COL26A1: variants seen among roughly 807,000 people sequenced by gnomAD.
COL26A1 encodes the protein collagen alpha-1(XXVI) chain.
Under a neutral mutation model 59.3 loss-of-function variants are expected in COL26A1, and 41 were observed. The ratio of observed to expected loss-of-function variants is 0.69; its 90% CI spans 0.54 to 0.90. The LOEUF (loss-of-function observed/expected upper bound fraction) is 0.90, where lower values mean the gene tolerates loss of function less well. Among genes scored for constraint, COL26A1 ranks in the 40% least tolerant of loss-of-function variants. COL26A1 has a pLI of 0.00. For synonymous variants in COL26A1, 266 were observed against 256.0 expected (o/e 1.04, Z -0.37); for missense variants, 612 against 602.3 (o/e 1.02, Z -0.17).
chr7:101,437,811 A>G (rs1053202322), intron 2 of COL26A1, among the ~76,000 whole-genome samples: 6 of 151,486 alleles, frequency 4.0e-5, no homozygotes, highest in Admixed American at 3.9e-4. Context: ...CCTGGACTCA[A>G]GCAATCTTCC....
intron 3 of COL26A1, among the ~76,000 whole-genome samples, chr7:101,483,990 A>AGTGTGTGTGTGTGTGTGTGTGTGTGT (rs55863250): frequency 5.5e-5 from 7 of 127,924 alleles, no homozygotes; most frequent in East Asian, 2.3e-4. Flanking sequence ...AACTTTTTAA[A>AGTGTGTGTGTGTGTGTGTGTGTGTGT]GTGTGTGTGT....
At chr7:101,447,645 G>A (rs1793230493) in intron 2 of COL26A1, 39 bp from the exon 3 acceptor site, 1 of 1,354,918 alleles carries the variant, frequency 7.4e-7, no homozygotes, top group Non-Finnish European at 1.0e-6. Flanking sequence ...AGGTGGGTGG[G>A]TGGGAGCTCA....
Position 101,401,666 on chromosome 7 carries a change from G to T in COL26A1, c.159-18311G>T, listed in dbSNP as rs376303981. 3.6e-3 allele frequency among the ~76,000 whole-genome samples: 526 copies of T among 145,964 alleles called. 4 individuals are homozygous for T. The highest frequency in any genetic ancestry group is 0.013 in the African/African-American group (506 of 39,822). On this transcript the variant is annotated intron_variant, in intron 1 of 12. Transcript: ENST00000313669. ...AGAGGAGGAGGTGGAGGAGGAAGAG[G>T]AGGAAGAAGATGTTGGAGGCTGAGG... is the stretch of plus-strand genomic sequence containing the variant.
At chr7:101,421,541 G>C (rs1024028195) in intron 2 of COL26A1, among the ~76,000 whole-genome samples, 22 of 152,154 alleles carry the variant, frequency 1.4e-4, no homozygotes, top group East Asian at 3.9e-4. Flanking sequence ...CAGGCGTGGT[G>C]GTGGGCGCCT....
At chr7:101,485,787 A>C (rs1282058558) in intron 3 of COL26A1, among the ~76,000 whole-genome samples, 1 of 152,066 alleles carries the variant, frequency 6.6e-6, no homozygotes, top group Non-Finnish European at 1.5e-5. Context: ...CAGAGGGCTG[A>C]GATGAGCCGA....
At chr7:101,529,064 G>A (rs1562790785) in intron 3 of COL26A1, among the ~76,000 whole-genome samples, 1 of 151,954 alleles carries the variant, frequency 6.6e-6, no homozygotes, top group African/African-American at 2.4e-5. Flanking sequence ...TACTTGGGAG[G>A]CTGAGGCAGG....
intron 3 of COL26A1, among the ~76,000 whole-genome samples, chr7:101,449,250 A>G (rs1562985420): frequency 6.6e-6 from 1 of 152,186 alleles, no homozygotes; most frequent in Non-Finnish European, 1.5e-5. Flanking sequence ...TTGAACGACC[A>G]CAGCTCACAG....
intron 3 of COL26A1, among the ~76,000 whole-genome samples, chr7:101,473,608 CCACACACA>C (rs150820078): frequency 0.014 from 2,040 of 143,454 alleles, 30 homozygotes; most frequent in African/African-American, 0.044. Flanking sequence ...CACCTTGTCT[CCACACACA>C]CACACACACA....
At chr7:101,398,481 T>G (rs1009035536) in intron 1 of COL26A1, among the ~76,000 whole-genome samples, 1 of 152,160 alleles carries the variant, frequency 6.6e-6, no homozygotes, top group African/African-American at 2.4e-5. Context: ...CATGTCCGCT[T>G]ATGGACGGAA....
At chr7:101,472,170 A>G (rs996599416) in intron 3 of COL26A1, among the ~76,000 whole-genome samples, 1 of 151,894 alleles carries the variant, frequency 6.6e-6, no homozygotes, top group Admixed American at 6.6e-5. Context: ...ACGCCTGGCC[A>G]GTTTCCAAAT....
intron 3 of COL26A1, among the ~76,000 whole-genome samples, chr7:101,492,350 A>G (rs979427508): frequency 5.3e-5 from 8 of 152,140 alleles, no homozygotes; most frequent in African/African-American, 1.9e-4. Flanking sequence ...ATGGCCATCA[A>G]CTACTGTCAA....
At chr7:101,491,009 G>T (rs1438297519) in intron 3 of COL26A1, among the ~76,000 whole-genome samples, 2 of 142,914 alleles carry the variant, frequency 1.4e-5, no homozygotes, top group Admixed American at 1.4e-4. Context: ...AATTAGCTGG[G>T]CATAGTGGCA....
intron 3 of COL26A1, among the ~76,000 whole-genome samples, chr7:101,513,837 C>T (rs546091022): frequency 5.8e-4 from 89 of 152,234 alleles, no homozygotes; most frequent in Admixed American, 2.4e-3. Context: ...AGGAGATATT[C>T]GCAAAGCATG....
At chr7:101,400,516 C>G (rs1172876675) in intron 1 of COL26A1, among the ~76,000 whole-genome samples, 1 of 151,680 alleles carries the variant, frequency 6.6e-6, no homozygotes, top group Non-Finnish European at 1.5e-5. Context: ...TGCCCGCCAC[C>G]ACTCCTGGCT....
chr7:101,392,495 G>A (rs1791758036), intron 1 of COL26A1, among the ~76,000 whole-genome samples: 1 of 149,812 alleles, frequency 6.7e-6, no homozygotes, highest in Non-Finnish European at 1.5e-5. Flanking sequence ...TCCGCCTCCC[G>A]GGTTCAAGCA....
chr7:101,419,876 C>T (rs916405894), intron 1 of COL26A1, 101 bp from the exon 2 acceptor site: 1 of 1,311,654 alleles, frequency 7.6e-7, no homozygotes, highest in Non-Finnish European at 1.1e-6. Flanking sequence ...GCCTCCACCC[C>T]AGGTTTGCGG....
At position 101,539,918 on chromosome 7, in the gene COL26A1, G is replaced by C. The variant is rs761145243; in HGVS notation, c.473G>C (p.Arg158Pro). ...GTCCTCCTGCTAGAAGCAGCAGAAC[G>C]GCCCTCCAGCCCGGACAACGACCTG... is the stretch of plus-strand genomic sequence containing the variant. The part of the protein sequence containing the change: ...AKVLLLEAAE[R>P]PSSPDNDLPA... The change falls in exon 5 of 13, where the codon CGG becomes CCG. Residue 158 changes from arginine to proline, a missense_variant. Physicochemically the swap from Arg to Pro is moderately radical, Grantham distance 103. Transcript: ENST00000313669. 3 of 1,612,944 alleles carry C rather than the reference G, an allele frequency of 1.9e-6. No homozygotes were observed. Among genetic ancestry groups the C allele is most frequent in the Non-Finnish European group, 2.5e-6 (3 of 1,179,524 alleles).
chr7:101,461,380 C>T (rs1000822667), intron 3 of COL26A1, among the ~76,000 whole-genome samples: 1 of 151,506 alleles, frequency 6.6e-6, no homozygotes, highest in African/African-American at 2.4e-5. Context: ...CTCCCTGCAA[C>T]CTCCGCCTCC....
intron 3 of COL26A1, among the ~76,000 whole-genome samples, chr7:101,501,212 GAAAAGA>G (rs1201732759): frequency 0.1 from 9,089 of 89,250 alleles, 263 homozygotes; most frequent in Non-Finnish European, 0.12. Context: ...GAAAAGAAAA[GAAAAGA>G]AAAAAAAAAA....
Sources: allele counts gnomAD v4.1 joint callset (sites outside exome capture counted in the v4.1 genomes callset), GRCh38; gene constraint gnomAD v4.1.1; transcripts MANE v1.5; gene names NCBI Gene and HGNC (gene_info 2026-07-23, HGNC 2026-07-21).